Variants in CCDC178 observed in about 807,000 individuals in gnomAD.
CCDC178 encodes the protein coiled-coil domain-containing protein 178.
Under a neutral mutation model 117.4 loss-of-function variants are expected in CCDC178, and 126 were observed. The observed-to-expected ratio is 1.07, with a 90% CI of 0.93 to 1.24. The LOEUF is 1.24. CCDC178 is among the 50% of genes most tolerant of loss of function. The pLI, the probability that CCDC178 is intolerant of heterozygous loss-of-function variation, is 0.00. For missense variants in CCDC178, 1,030 were observed against 986.9 expected (o/e 1.04, Z -0.59); for synonymous variants, 283 against 313.4 (o/e 0.90, Z 1.02).
intron 22 of CCDC178, among the ~76,000 whole-genome samples, chr18:32,950,351 T>C (rs2054453057): frequency 6.6e-6 from 1 of 152,174 alleles, no homozygotes; most frequent in African/African-American, 2.4e-5. Context: ...GCCAGCAAGA[T>C]AGGAAAATTG....
intron 21 of CCDC178, among the ~76,000 whole-genome samples, chr18:33,028,417 C>A (rs2056270861): frequency 6.6e-6 from 1 of 151,690 alleles, no homozygotes; most frequent in African/African-American, 2.4e-5. Context: ...TTTATCTAGA[C>A]TGCATGACTT....
At chr18:33,232,439 T>C (rs372993352) in intron 15 of CCDC178, among the ~76,000 whole-genome samples, 4 of 152,326 alleles carry the variant, frequency 2.6e-5, no homozygotes, top group Admixed American at 2.6e-4. Flanking sequence ...ATTTATGTTA[T>C]GTAAGGTTTG....
intron 11 of CCDC178, among the ~76,000 whole-genome samples, chr18:33,319,939 A>G (rs775035303): frequency 6.6e-6 from 1 of 152,184 alleles, no homozygotes; most frequent in Non-Finnish European, 1.5e-5. Context: ...GGTTCAACAT[A>G]CACAAATCAA....
At chr18:32,969,519 C>G (rs191847510) in intron 22 of CCDC178, among the ~76,000 whole-genome samples, 4 of 152,122 alleles carry the variant, frequency 2.6e-5, no homozygotes, top group Admixed American at 2.6e-4. Flanking sequence ...TAGAGCTCAA[C>G]AAACTATATA....
chr18:33,327,827 C>T lies in CCDC178; in HGVS notation c.880-4194G>A, dbSNP rs73421852. On this transcript the variant is annotated intron_variant, in intron 10 of 22. Coordinates refer to ENST00000383096, the MANE Select transcript of CCDC178 (RefSeq NM_001105528.4). ...TGTATATCTGTTCATGGCAAGTTCT[C>T]TGTTTATTTTAAATTTAGTTGTTTG... Among the ~76,000 whole-genome samples the T allele has an allele frequency of 3.0e-3, 458 of 152,032 alleles. 1 individual carries two copies. The highest frequency in any genetic ancestry group is 0.011 in the African/African-American group (438 of 41,456).
chr18:33,157,650 T>C (rs976881513), intron 20 of CCDC178, among the ~76,000 whole-genome samples: 1 of 152,176 alleles, frequency 6.6e-6, no homozygotes, highest in African/African-American at 2.4e-5. Context: ...AAAACCTTTC[T>C]GGGGGACCAG....
chr18:33,421,170 T>G (rs926804376), intron 2 of CCDC178, among the ~76,000 whole-genome samples: 5 of 152,212 alleles, frequency 3.3e-5, no homozygotes, highest in Non-Finnish European at 7.3e-5. Context: ...AAAGGTTCTA[T>G]AGCAGAATGT....
At chr18:32,972,993 T>C (rs1308580680) in intron 22 of CCDC178, among the ~76,000 whole-genome samples, 1 of 152,080 alleles carries the variant, frequency 6.6e-6, no homozygotes, top group Non-Finnish European at 1.5e-5. Context: ...TGCTGCTGTG[T>C]CTCTAGGTGC....
chr18:33,258,668 C>T (rs905891906), intron 14 of CCDC178, among the ~76,000 whole-genome samples: 8 of 152,132 alleles, frequency 5.3e-5, no homozygotes, highest in African/African-American at 1.7e-4. Flanking sequence ...AGACACAAAG[C>T]AGGTGCTCAG....
At chr18:33,340,515 G>T (rs1040456633) in intron 9 of CCDC178, among the ~76,000 whole-genome samples, 1 of 152,160 alleles carries the variant, frequency 6.6e-6, no homozygotes, top group Non-Finnish European at 1.5e-5. Flanking sequence ...CTCCAGCCAT[G>T]TCAGACACCT....
intron 20 of CCDC178, among the ~76,000 whole-genome samples, chr18:33,101,162 CAA>C (rs1598883816): frequency 6.6e-6 from 1 of 151,342 alleles, no homozygotes; most frequent in Non-Finnish European, 1.5e-5. Flanking sequence ...TTTCTGATAT[CAA>C]GAGTGTTAGA....
chr18:33,424,388 C>T (rs1231465064), intron 2 of CCDC178, among the ~76,000 whole-genome samples: 2 of 152,116 alleles, frequency 1.3e-5, no homozygotes, highest in Admixed American at 6.6e-5. Context: ...GTGTAAGGTA[C>T]GTGGATGTGC....
chr18:32,992,659 T>G (rs1194088364), intron 21 of CCDC178, among the ~76,000 whole-genome samples: 1 of 152,196 alleles, frequency 6.6e-6, no homozygotes, highest in Non-Finnish European at 1.5e-5. Context: ...ATTTTAAGCA[T>G]GATCACCCTA....
At chr18:33,279,211 G>T (rs1315292653) in intron 12 of CCDC178, among the ~76,000 whole-genome samples, 1 of 152,152 alleles carries the variant, frequency 6.6e-6, no homozygotes, top group Non-Finnish European at 1.5e-5. Context: ...AAACCCCACT[G>T]TCTCAGCCCC....
At chr18:33,408,384 A>C (rs2063809578) in intron 3 of CCDC178, among the ~76,000 whole-genome samples, 1 of 152,076 alleles carries the variant, frequency 6.6e-6, no homozygotes, top group Non-Finnish European at 1.5e-5. Flanking sequence ...GAAAATGGGA[A>C]AAAATTACAT....
At chr18:33,298,666 T>A (rs1281314200) in intron 11 of CCDC178, among the ~76,000 whole-genome samples, 1 of 152,146 alleles carries the variant, frequency 6.6e-6, no homozygotes, top group East Asian at 1.9e-4. Context: ...CAGGGCAGCA[T>A]CTATTTTGGA....
At chr18:33,055,714 T>A (rs752667052) in intron 21 of CCDC178, among the ~76,000 whole-genome samples, 3 of 152,138 alleles carry the variant, frequency 2.0e-5, no homozygotes, top group African/African-American at 7.2e-5. Flanking sequence ...AATGAGGAAG[T>A]GACACAATCT....
rs2059755455 is a variant in CCDC178, at chr18:33,261,892, T to C, written c.1409+5024A>G. On this transcript the variant is annotated intron_variant, in intron 14 of 22. Coordinates refer to ENST00000383096, the MANE Select transcript of CCDC178 (RefSeq NM_001105528.4). ...CATTTTTAAGTATATTTTAATCACA[T>C]TTGGTACTCTCTTCATAGAAACTTC... Among the ~76,000 whole-genome samples, 3 of 152,168 alleles carry C rather than the reference T, an allele frequency of 2.0e-5. No individual in the cohort carries two copies. The South Asian group carries it at 6.2e-4, about 32-fold the overall frequency.
At chr18:33,235,347 T>C (rs1355709837) in intron 15 of CCDC178, among the ~76,000 whole-genome samples, 2 of 152,146 alleles carry the variant, frequency 1.3e-5, no homozygotes, top group Non-Finnish European at 2.9e-5. Context: ...TTGGTCACAA[T>C]GTAAGTCTAA....
Sources: allele counts gnomAD v4.1 joint callset (sites outside exome capture counted in the v4.1 genomes callset), GRCh38; gene constraint gnomAD v4.1.1; transcripts MANE v1.5; gene names NCBI Gene and HGNC (gene_info 2026-07-23, HGNC 2026-07-21).